Variants in RNFT1 observed in about 807,000 individuals in gnomAD.
RNFT1 encodes the protein E3 ubiquitin-protein ligase RNFT1.
Under a neutral mutation model 53.2 loss-of-function variants are expected in RNFT1, and 35 were observed. The observed-to-expected ratio is 0.66, with a 90% CI of 0.50 to 0.87. The LOEUF (loss-of-function observed/expected upper bound fraction) is 0.87. RNFT1 is among the 40% of genes least tolerant of loss of function. The pLI is 0.00. For synonymous variants in RNFT1, 141 were observed against 172.8 expected (o/e 0.82, Z 1.44); for missense variants, 421 against 515.0 (o/e 0.82, Z 1.77).
intron 7 of RNFT1, among the ~76,000 whole-genome samples, chr17:59,956,046 G>GC (rs562336620): frequency 2.9e-3 from 445 of 152,250 alleles, no homozygotes; most frequent in African/African-American, 0.01. Flanking sequence ...TAAGAAAACT[G>GC]CAAGAGACAT....
chr17:59,963,211 G>C lies in RNFT1; in HGVS notation c.130C>G (p.Gln44Glu). ...YLRAMQANRS[Q>E]LHSPPGTGSS... Reference sequence around the variant, plus strand: ...CCAGTTCCTGGAGGACTGTGCAGTTGGCTACGATTGGCTTGCATGGCCCTT... The same window carrying C: ...CCAGTTCCTGGAGGACTGTGCAGTTCGCTACGATTGGCTTGCATGGCCCTT... Residue 44 changes from glutamine (Q) to glutamate (E), a missense_variant, in exon 2 of 9, where the codon CAA becomes GAA. Physicochemically the swap from Gln to Glu is conservative, Grantham distance 29. Coordinates refer to ENST00000305783, the MANE Select transcript of RNFT1 (RefSeq NM_016125.4). 1.2e-6 allele frequency: 2 copies of C among 1,614,096 alleles called. No homozygotes were observed. The highest frequency in any genetic ancestry group is 1.3e-5 in the African/African-American group (1 of 75,036).
At chr17:59,956,101 G>A (rs1434633745) in intron 7 of RNFT1, among the ~76,000 whole-genome samples, 4 of 152,112 alleles carry the variant, frequency 2.6e-5, no homozygotes, top group Non-Finnish European at 5.9e-5. Context: ...ACAATGGAAG[G>A]ATTTTCACAG....
At chr17:59,957,679 T>C (rs1262606715) in intron 5 of RNFT1, among the ~76,000 whole-genome samples, 1 of 152,034 alleles carries the variant, frequency 6.6e-6, no homozygotes, top group Non-Finnish European at 1.5e-5. Flanking sequence ...ACCCCGTCTC[T>C]ACTAAAAATA....
intron 8 of RNFT1, 171 bp downstream of exon 8, chr17:59,953,874 A>G: frequency 2.1e-6 from 1 of 470,312 alleles, no homozygotes; most frequent in Non-Finnish European, 3.8e-6. Context: ...CATAAAAATT[A>G]TCAGAACATA....
intron 5 of RNFT1, among the ~76,000 whole-genome samples, 179 bp downstream of exon 5, chr17:59,958,112 T>C (rs949081004): frequency 3.9e-5 from 6 of 152,174 alleles, no homozygotes; most frequent in Non-Finnish European, 5.9e-5. Flanking sequence ...TTTATCCAAA[T>C]AGGTTAATAA....
At chr17:59,953,322 C>T (rs1334699346) in intron 8 of RNFT1, among the ~76,000 whole-genome samples, 2 of 152,158 alleles carry the variant, frequency 1.3e-5, no homozygotes, top group African/African-American at 4.8e-5. Context: ...CTCAGCCTCC[C>T]AAGTTGCCGG....
Position 59,963,110 on chromosome 17 carries a change from TC to T in RNFT1, c.230del (p.Gly77GlufsTer7). On this transcript the variant is annotated frameshift_variant, in exon 2 of 9. Coordinates refer to ENST00000305783, the MANE Select transcript of RNFT1 (RefSeq NM_016125.4). LOFTEE classifies it high-confidence loss of function. ...LTGEGSCPHSGDVHIQINSIP... is the reference protein window; with the variant it reads ...LTGEGSCPHSXDVHIQINSIP... ...TGGAGTTTATCTGGATATGAACATCTCCAGAATGAGGGCAAGAACCCTCTCC... is the reference window on the plus strand; with the variant it reads ...TGGAGTTTATCTGGATATGAACATCTCAGAATGAGGGCAAGAACCCTCTCC... 1 of 1,614,194 alleles carries T rather than the reference TC, an allele frequency of 6.2e-7. No individual in the cohort carries two copies. The highest frequency in any genetic ancestry group is 8.5e-7 in the Non-Finnish European group (1 of 1,180,046).
At chr17:59,963,779 CTA>C (rs1341454304) in intron 1 of RNFT1, among the ~76,000 whole-genome samples, 2 of 152,094 alleles carry the variant, frequency 1.3e-5, no homozygotes, top group African/African-American at 4.8e-5. Flanking sequence ...TCATAGGTAA[CTA>C]ATAATAAACA....
chr17:59,962,378 T>C, intron 3 of RNFT1, 162 bp downstream of exon 3: 1 of 559,148 alleles, frequency 1.8e-6, no homozygotes, highest in Non-Finnish European at 3.2e-6. Flanking sequence ...AGAGATAATT[T>C]ATTCCAGGAT....
intron 4 of RNFT1, chr17:59,958,710 G>GA (rs1286853068): frequency 3.9e-6 from 2 of 508,492 alleles, no homozygotes; most frequent in African/African-American, 1.9e-5. Context: ...GCCTGTAAAT[G>GA]AAAAAAACTC....
In RNFT1 at chr17:59,957,356, T is replaced by C; in HGVS notation, c.873A>G (p.Glu291=). The C allele has an allele frequency of 6.2e-7, 1 of 1,613,614 alleles. No homozygotes were observed. The highest frequency in any genetic ancestry group is 8.5e-7 in the Non-Finnish European group (1 of 1,179,892). The change falls in exon 6 of 9, where the codon GAA becomes GAG. Residue 291 remains glutamate (E), a synonymous_variant. Coordinates refer to ENST00000305783, the MANE Select transcript of RNFT1 (RefSeq NM_016125.4). ...SKGYWYMLLE[E]LCQYYRTFVP... Reference sequence around the variant, plus strand: ...CAAAAGTTCGGTAGTATTGACACAATTCTTCTAAAAGCATATACCAGTAAC... The same window carrying C: ...CAAAAGTTCGGTAGTATTGACACAACTCTTCTAAAAGCATATACCAGTAAC...
chr17:59,958,664 A>G (rs1230819076), intron 4 of RNFT1: 1 of 591,864 alleles, frequency 1.7e-6, no homozygotes, highest in East Asian at 3.7e-5. Context: ...AATAAGGAAA[A>G]AGTCTTCACG....
intron 1 of RNFT1, among the ~76,000 whole-genome samples, chr17:59,964,124 G>A (rs572267068): frequency 2.0e-5 from 3 of 152,292 alleles, no homozygotes; most frequent in African/African-American, 7.2e-5. Context: ...AGAAACAGAA[G>A]AACAGAGTCG....
intron 5 of RNFT1, 141 bp from the exon 6 acceptor site, chr17:59,957,523 A>C: frequency 1.6e-6 from 1 of 617,798 alleles, no homozygotes; most frequent in African/African-American, 1.9e-5. Flanking sequence ...ATTATGACTG[A>C]ACCTCAAGCT....
rs764930051 is a variant in RNFT1 at position 59,962,950 on chromosome 17, C to T, written c.391G>A (p.Ala131Thr). ...SEARLTDDTA[A>T]ESGDHGSSSF... is the part of the protein sequence containing the mutation. ...CTACTACCATGATCTCCAGATTCTG[C>T]GGCAGTATCATCAGTCAGCCTTGCT... The change falls in exon 2 of 9, where the codon GCA becomes ACA. Residue 131 changes from alanine to threonine, a missense_variant. Transcript: ENST00000305783. 4.3e-5 allele frequency: 70 copies of T among 1,614,106 alleles called. No homozygotes were observed. Among genetic ancestry groups the T allele is most frequent in the South Asian group, 1.3e-4 (12 of 91,094 alleles).
At chr17:59,963,578 CCAG>C (rs964315510) in intron 1 of RNFT1, among the ~76,000 whole-genome samples, 1 of 152,042 alleles carries the variant, frequency 6.6e-6, no homozygotes, top group African/African-American at 2.4e-5. Context: ...GTATGGGTAC[CCAG>C]CAGATGTTAA....
At chr17:59,954,369 A>G (rs193019850) in intron 7 of RNFT1, among the ~76,000 whole-genome samples, 9 of 152,372 alleles carry the variant, frequency 5.9e-5, no homozygotes, top group Admixed American at 5.9e-4. Context: ...AAAGATTGTT[A>G]GATCTACTAG....
chr17:59,954,335 T>A (rs1396163074), intron 7 of RNFT1, among the ~76,000 whole-genome samples, 189 bp from the exon 8 acceptor site: 2 of 152,216 alleles, frequency 1.3e-5, no homozygotes, highest in Non-Finnish European at 2.9e-5. Flanking sequence ...ATGAAATCAT[T>A]AAATAATACA....
intron 5 of RNFT1, among the ~76,000 whole-genome samples, chr17:59,957,936 A>G (rs1438863563): frequency 1.3e-5 from 2 of 152,220 alleles, no homozygotes; most frequent in Non-Finnish European, 2.9e-5. Flanking sequence ...TGCTGATTAT[A>G]AGAATTTAAA....
Sources: allele counts gnomAD v4.1 joint callset (sites outside exome capture counted in the v4.1 genomes callset), GRCh38; gene constraint gnomAD v4.1.1; transcripts MANE v1.5; gene names NCBI Gene and HGNC (gene_info 2026-07-23, HGNC 2026-07-21).